The following TMEM131 variants were observed in gnomAD, a reference collection of about 807,000 sequenced individuals.
The protein encoded by TMEM131 is 2610524E03Rik.
TMEM131 carries 66 observed loss-of-function variants against 211.6 expected under a neutral mutation model. That is an observed-to-expected ratio of 0.31 (90% CI 0.26 to 0.38). TMEM131 has a LOEUF of 0.38. Ranked by LOEUF, TMEM131 falls within the 10% of genes least tolerant of loss-of-function variation. TMEM131 has a pLI of 1.00. For missense variants in TMEM131, 2,036 were observed against 2,299.3 expected (o/e 0.89, Z 2.34); for synonymous variants, 844 against 841.3 (o/e 1.00, Z -0.06).
intron 1 of TMEM131, among the ~76,000 whole-genome samples, chr2:97,974,499 G>A (rs1231652314): frequency 1.3e-5 from 2 of 151,450 alleles, no homozygotes; most frequent in South Asian, 2.1e-4. Context: ...GATCCAAGAA[G>A]CTCAACAAAC....
intron 11 of TMEM131, among the ~76,000 whole-genome samples, chr2:97,832,004 CAAA>C (rs770432398): frequency 1.2e-4 from 7 of 60,272 alleles, no homozygotes; most frequent in Non-Finnish European, 1.4e-4. Flanking sequence ...AAGTCACTTC[CAAA>C]AAAAAAAAAA....
intron 11 of TMEM131, among the ~76,000 whole-genome samples, chr2:97,829,401 T>C (rs1313565033): frequency 6.6e-6 from 1 of 152,160 alleles, no homozygotes; most frequent in African/African-American, 2.4e-5. Flanking sequence ...ATCAGCGCTC[T>C]GTGTCTAGCT....
At chr2:97,898,459 T>A (rs115926998) in intron 3 of TMEM131, among the ~76,000 whole-genome samples, 1,711 of 152,076 alleles carry the variant, frequency 0.011, 35 homozygotes, top group African/African-American at 0.039. Flanking sequence ...TTAAATGAGG[T>A]TATAATGGTG....
At chr2:97,906,759 A>G (rs1360473212) in intron 3 of TMEM131, among the ~76,000 whole-genome samples, 1 of 152,190 alleles carries the variant, frequency 6.6e-6, no homozygotes, top group Non-Finnish European at 1.5e-5. Flanking sequence ...AGTCATTTCC[A>G]ACTCTGAAAT....
chr2:97,904,826 G>A (rs1295328269), intron 3 of TMEM131, among the ~76,000 whole-genome samples: 2 of 144,050 alleles, frequency 1.4e-5, no homozygotes, highest in Admixed American at 1.4e-4. Context: ...TTAATGTTTC[G>A]TGTGGGGCTT....
chr2:97,785,258 A>G (rs549592147), intron 31 of TMEM131, among the ~76,000 whole-genome samples: 1 of 152,352 alleles, frequency 6.6e-6, no homozygotes, highest in East Asian at 1.9e-4. Context: ...TTATTTGCAA[A>G]CCACATATCT....
intron 1 of TMEM131, among the ~76,000 whole-genome samples, chr2:97,966,598 T>C (rs558308634): frequency 6.4e-4 from 97 of 152,038 alleles, no homozygotes; most frequent in African/African-American, 2.2e-3. Flanking sequence ...GACTAAGGAG[T>C]TGGTCTGGTC....
At chr2:97,809,083 T>G (rs1174566925) in intron 19 of TMEM131, among the ~76,000 whole-genome samples, 1 of 152,186 alleles carries the variant, frequency 6.6e-6, no homozygotes, top group Non-Finnish European at 1.5e-5. Context: ...CTCTATTTCT[T>G]TCTGCAGAGA....
At chr2:97,796,613 A>G (rs1450309609) in intron 27 of TMEM131, among the ~76,000 whole-genome samples, 4 of 152,222 alleles carry the variant, frequency 2.6e-5, no homozygotes, top group Non-Finnish European at 4.4e-5. Context: ...TATACTTCAC[A>G]TTTCATACTG....
chr2:97,925,149 G>C (rs970690721), intron 2 of TMEM131, among the ~76,000 whole-genome samples: 1 of 152,146 alleles, frequency 6.6e-6, no homozygotes, highest in Non-Finnish European at 1.5e-5. Flanking sequence ...TGGGATTACA[G>C]GCGTGAACCA....
intron 1 of TMEM131, among the ~76,000 whole-genome samples, chr2:97,960,534 G>A (rs1292738812): frequency 6.6e-6 from 1 of 152,044 alleles, no homozygotes; most frequent in Non-Finnish European, 1.5e-5. Context: ...GACACAAAAT[G>A]ATCCAGTATC....
chr2:97,964,409 C>G (rs916942662), intron 1 of TMEM131, among the ~76,000 whole-genome samples: 1 of 152,218 alleles, frequency 6.6e-6, no homozygotes, highest in African/African-American at 2.4e-5. Flanking sequence ...TTCAGTTCCA[C>G]TGCAAACAAA....
rs182108027 is a variant in TMEM131, at chr2:97,884,189, T to C, written c.359+3863A>G. Among the ~76,000 whole-genome samples the C allele has an allele frequency of 1.4e-3, 218 of 152,352 alleles. 1 individual carries two copies. Among genetic ancestry groups the C allele is most frequent in the African/African-American group, 4.9e-3 (204 of 41,578 alleles). ...AATTTCTTCCTTCACCCATTGGTCATTCAGGAACATGTTGTTTGATTTTCA... is the reference window on the plus strand; with the variant it reads ...AATTTCTTCCTTCACCCATTGGTCACTCAGGAACATGTTGTTTGATTTTCA... On this transcript the variant is annotated intron_variant, in intron 4 of 40. Coordinates refer to ENST00000186436, the MANE Select transcript of TMEM131 (RefSeq NM_015348.2).
intron 1 of TMEM131, among the ~76,000 whole-genome samples, chr2:97,942,478 A>T (rs74513501): frequency 9.9e-4 from 9 of 9,070 alleles, no homozygotes; most frequent in Admixed American, 3.6e-3. Context: ...AGTATAATTT[A>T]AAAAAAAAAA....
At chr2:97,977,236 G>A (rs1573642330) in intron 1 of TMEM131, among the ~76,000 whole-genome samples, 1 of 152,192 alleles carries the variant, frequency 6.6e-6, no homozygotes, top group Non-Finnish European at 1.5e-5. Flanking sequence ...ACAAACCTCA[G>A]ACTTGGAAGG....
intron 31 of TMEM131, among the ~76,000 whole-genome samples, chr2:97,778,838 T>C (rs1679853542): frequency 6.6e-6 from 1 of 152,228 alleles, no homozygotes; most frequent in Non-Finnish European, 1.5e-5. Flanking sequence ...CTATCTTTGC[T>C]GGTATTCCCT....
chr2:97,939,063 A>C (rs1040365187), intron 1 of TMEM131, among the ~76,000 whole-genome samples: 1 of 152,252 alleles, frequency 6.6e-6, no homozygotes, highest in Non-Finnish European at 1.5e-5. Flanking sequence ...CCAAATGCCC[A>C]CAAGAGAAAG....
intron 4 of TMEM131, among the ~76,000 whole-genome samples, chr2:97,869,059 C>A (rs553379597): frequency 3.9e-5 from 6 of 152,306 alleles, no homozygotes; most frequent in Non-Finnish European, 8.8e-5. Context: ...GAAATAAAAA[C>A]ATCCTCCTTG....
intron 12 of TMEM131, among the ~76,000 whole-genome samples, chr2:97,815,517 G>C (rs1400220378): frequency 6.6e-6 from 1 of 152,138 alleles, no homozygotes; most frequent in Non-Finnish European, 1.5e-5. Flanking sequence ...AAGATAAGCA[G>C]ATAAGGAATT....
Sources: gnomAD v4.1 joint callset for allele counts (sites outside exome capture counted in the v4.1 genomes callset) on GRCh38, gnomAD v4.1.1 for gene constraint, MANE v1.5 for transcripts, NCBI Gene and HGNC (gene_info 2026-07-23, HGNC 2026-07-21) for gene names.